Variants in EEF1AKMT4 observed in about 807,000 individuals in gnomAD.
EEF1AKMT4 encodes the protein EEF1A lysine methyltransferase 4.
A neutral mutation model predicts 23.0 loss-of-function variants in EEF1AKMT4; 17 were observed. The ratio of observed to expected loss-of-function variants is 0.74; its 90% CI spans 0.51 to 1.11. The LOEUF (loss-of-function observed/expected upper bound fraction) is 1.11, where lower values mean the gene tolerates loss of function less well. Among genes scored for constraint, EEF1AKMT4 ranks in the 50% least tolerant of loss-of-function variants. The pLI, the probability that EEF1AKMT4 is intolerant of heterozygous loss-of-function variation, is 0.00. For synonymous variants in EEF1AKMT4, 140 were observed against 141.4 expected, an observed-to-expected ratio of 0.99 and a Z score of 0.07; for missense variants, 318 against 333.4, an observed-to-expected ratio of 0.95 and a Z score of 0.36.
At chr3:184,251,571 C>T (rs34235185) in intron 1 of EEF1AKMT4, among the ~76,000 whole-genome samples, 2 of 152,088 alleles carry the variant, frequency 1.3e-5, no homozygotes, top group Non-Finnish European at 2.9e-5. Context: ...GGCATGGTGG[C>T]CTGTGCCCAT....
chr3:184,255,905 A>G (rs1719776780), intron 1 of EEF1AKMT4, among the ~76,000 whole-genome samples: 1 of 152,170 alleles, frequency 6.6e-6, no homozygotes, highest in African/African-American at 2.4e-5. Context: ...CTGATGACAC[A>G]TTTGTTCCTA....
At chr3:184,254,616 G>C (rs1022814457) in intron 1 of EEF1AKMT4, among the ~76,000 whole-genome samples, 24 of 151,644 alleles carry the variant, frequency 1.6e-4, no homozygotes, top group African/African-American at 4.6e-4. Flanking sequence ...GGGAGGCTGA[G>C]GCAGGAGAAT....
intron 1 of EEF1AKMT4, among the ~76,000 whole-genome samples, chr3:184,253,589 C>T (rs1442189072): frequency 6.6e-6 from 1 of 152,098 alleles, no homozygotes; most frequent in South Asian, 2.1e-4. Context: ...GGCTCTTCCA[C>T]TGACTATGTG....
chr3:184,256,272 C>CAAAAAAAAAAAAAAAAAAAAAAAA (rs59087969), intron 1 of EEF1AKMT4, among the ~76,000 whole-genome samples: 20 of 54,194 alleles, frequency 3.7e-4, no homozygotes, highest in East Asian at 1.1e-3. Flanking sequence ...AACTCCATCT[C>CAAAAAAAAAAAAAAAAAAAAAAAA]AAAAAAAAAA....
At chr3:184,250,941 C>G (rs906412933) in intron 1 of EEF1AKMT4, among the ~76,000 whole-genome samples, 2 of 151,588 alleles carry the variant, frequency 1.3e-5, no homozygotes, top group Non-Finnish European at 2.9e-5. Flanking sequence ...AAAAATTAGT[C>G]GGGTGTGGTG....
intron 1 of EEF1AKMT4, 54 bp downstream of exon 1, chr3:184,249,944 A>C: frequency 1.9e-6 from 3 of 1,576,712 alleles, no homozygotes; most frequent in Non-Finnish European, 2.6e-6. Context: ...CCGGCGCCGC[A>C]TGGGCTTGGC....
At chr3:184,255,622 T>C (rs1413876322) in intron 1 of EEF1AKMT4, among the ~76,000 whole-genome samples, 1 of 152,216 alleles carries the variant, frequency 6.6e-6, no homozygotes, top group Non-Finnish European at 1.5e-5. Flanking sequence ...CTGGATCTTC[T>C]AAGGAAGTCA....
chr3:184,257,899 G>C, intron 2 of EEF1AKMT4, 143 bp downstream of exon 2: 1 of 1,069,378 alleles, frequency 9.4e-7, no homozygotes, highest in Non-Finnish European at 1.3e-6. Flanking sequence ...TCTCTGAAGG[G>C]AGGGAAGGGT....
intron 1 of EEF1AKMT4, among the ~76,000 whole-genome samples, chr3:184,251,100 A>G (rs867508870): frequency 2.7e-4 from 36 of 131,014 alleles, no homozygotes; most frequent in Middle Eastern, 3.9e-3. Context: ...AAAAAAAAAA[A>G]AAAAGAAAAG....
Position 184,257,465 on chromosome 3 carries a change from C to T in EEF1AKMT4, c.197-8C>T. ...AGCTCTTTTGCTACCCATTCCCTCC[C>T]ACCCCAGGTTGCGGGAACAGTGCCC... is the stretch of plus-strand genomic sequence containing the variant. On this transcript the variant is annotated splice_region_variant and splice_polypyrimidine_tract_variant and intron_variant, in intron 1 of 2. Transcript: ENST00000324557. 6.3e-7 allele frequency: 1 copy of T among 1,590,436 alleles called. No individual in the cohort carries two copies. Among genetic ancestry groups the T allele is most frequent in the Non-Finnish European group, 8.6e-7 (1 of 1,163,014 alleles).
At position 184,256,970 on chromosome 3, in the gene EEF1AKMT4, C is replaced by T. The variant is rs144784545; in HGVS notation, c.197-503C>T. Reference sequence around the variant, plus strand: ...CAGGCGTGAACCACCGTGCCTGGCCCCTAGCTCTTAGTTCTTAAGTTTAAT... The same window carrying T: ...CAGGCGTGAACCACCGTGCCTGGCCTCTAGCTCTTAGTTCTTAAGTTTAAT... On this transcript the variant is annotated intron_variant, in intron 1 of 2. Coordinates refer to ENST00000324557, the MANE Select transcript of EEF1AKMT4 (RefSeq NM_032331.4). 2.3e-3 allele frequency among the ~76,000 whole-genome samples: 344 copies of T among 152,132 alleles called. 3 individuals are homozygous for T. The highest frequency in any genetic ancestry group is 7.5e-3 in the African/African-American group (313 of 41,526).
In EEF1AKMT4 at chr3:184,258,352, G is replaced by A. The variant is rs151314557; in HGVS notation, c.545G>A (p.Arg182Gln). 8.1e-5 allele frequency: 130 copies of A among 1,613,536 alleles called. 1 individual carries two copies. The highest frequency in any genetic ancestry group is 9.9e-5 in the Non-Finnish European group (117 of 1,179,810). Residue 182 changes from arginine (R) to glutamine (Q), a missense_variant, in exon 3 of 3, where the codon CGG becomes CAG. Transcript: ENST00000324557. ...ISMTSAAPHF[R>Q]TRHYAQAYYG... Reference sequence around the variant, plus strand: ...ATGACTTCTGCTGCCCCCCACTTTCGGACCAGACACTATGCCCAAGCCTAT... The same window carrying A: ...ATGACTTCTGCTGCCCCCCACTTTCAGACCAGACACTATGCCCAAGCCTAT...
At chr3:184,255,307 G>T (rs1447115128) in intron 1 of EEF1AKMT4, among the ~76,000 whole-genome samples, 1 of 152,168 alleles carries the variant, frequency 6.6e-6, no homozygotes, top group African/African-American at 2.4e-5. Context: ...TCAACTTTGG[G>T]TAGCACATGT....
intron 1 of EEF1AKMT4, among the ~76,000 whole-genome samples, chr3:184,252,714 G>A (rs1416525165): frequency 2.6e-5 from 4 of 152,056 alleles, no homozygotes; most frequent in East Asian, 1.9e-4. Flanking sequence ...AGGCCGAGGC[G>A]GGCGGGTCAC....
chr3:184,250,941 C>T (rs906412933), intron 1 of EEF1AKMT4, among the ~76,000 whole-genome samples: 2 of 151,588 alleles, frequency 1.3e-5, no homozygotes, highest in Admixed American at 1.3e-4. Flanking sequence ...AAAAATTAGT[C>T]GGGTGTGGTG....
chr3:184,249,974 C>G, intron 1 of EEF1AKMT4, 84 bp downstream of exon 1: 2 of 1,444,838 alleles, frequency 1.4e-6, no homozygotes. Context: ...TTTCCTCCCG[C>G]CTGTCTATCC....
Position 184,249,736 on chromosome 3 carries a change from G to C in EEF1AKMT4, c.42G>C (p.Pro14=). 1 of 1,612,424 alleles carries C rather than the reference G, an allele frequency of 6.2e-7. No individual in the cohort carries two copies. The highest frequency in any genetic ancestry group is 8.5e-7 in the Non-Finnish European group (1 of 1,179,528). Residue 14 remains proline, a synonymous_variant, in exon 1 of 3, where the codon CCG becomes CCC. Transcript: ENST00000324557. ...CAGGTAGGGCGCCTCCGGAGTTACC[G>C]GAGCGGAACTGCGGGTACCGCGAAG... The part of the protein sequence containing the change: ...PGAGRAPPEL[P]ERNCGYREVE...
rs753851442 is a variant in EEF1AKMT4 at position 184,257,568 on chromosome 3, C to G, written c.292C>G (p.Gln98Glu). The G allele has an allele frequency of 5.6e-6, 9 of 1,614,058 alleles. No homozygotes were observed. Among genetic ancestry groups the G allele is most frequent in the South Asian group, 5.5e-5 (5 of 91,094 alleles). ...DYSSVVVAAM[Q>E]ARHAHVPQLR... ...CTCATCAGTCGTGGTGGCTGCCATGCAGGCTCGCCATGCCCATGTGCCGCA... is the reference window on the plus strand; with the variant it reads ...CTCATCAGTCGTGGTGGCTGCCATGGAGGCTCGCCATGCCCATGTGCCGCA... The change falls in exon 2 of 3, where the codon CAG becomes GAG. Residue 98 changes from glutamine to glutamate, a missense_variant. Physicochemically the swap from Gln to Glu is conservative, Grantham distance 29. Coordinates refer to ENST00000324557, the MANE Select transcript of EEF1AKMT4 (RefSeq NM_032331.4).
At chr3:184,255,351 C>A (rs1244719044) in intron 1 of EEF1AKMT4, among the ~76,000 whole-genome samples, 1 of 152,160 alleles carries the variant, frequency 6.6e-6, no homozygotes, top group Non-Finnish European at 1.5e-5. Context: ...TTTCCTTGAG[C>A]CCCAGGGCTT....
Sources: gnomAD v4.1 joint callset for allele counts (sites outside exome capture counted in the v4.1 genomes callset) on GRCh38, gnomAD v4.1.1 for gene constraint, MANE v1.5 for transcripts, NCBI Gene and HGNC (gene_info 2026-07-23, HGNC 2026-07-21) for gene names.